The following SCN1A variants were observed in gnomAD, a reference collection of about 807,000 sequenced individuals.
SCN1A encodes sodium voltage-gated channel alpha subunit 1.
Under a neutral mutation model 193.7 loss-of-function variants are expected in SCN1A, and 13 were observed. That is an observed-to-expected ratio of 0.07 (90% confidence interval 0.04 to 0.11). The LOEUF (loss-of-function observed/expected upper bound fraction) is 0.11, where lower values mean the gene tolerates loss of function less well. SCN1A is among the 10% of genes least tolerant of loss of function. The pLI, the probability that SCN1A is intolerant of heterozygous loss-of-function variation, is 1.00. For synonymous variants in SCN1A, 781 were observed against 843.6 expected, an observed-to-expected ratio of 0.93 and a Z score of 1.29; for missense variants, 1,432 against 2,451.1, an observed-to-expected ratio of 0.58 and a Z score of 8.78.
At chr2:166,009,931 A>G in intron 22 of SCN1A, 90 bp from the exon 23 acceptor site, 2 of 1,263,406 alleles carry the variant, frequency 1.6e-6, no homozygotes, top group Non-Finnish European at 2.3e-6. Context: ...ATTTTTGCTT[A>G]TAATTATTCA....
intron 2 of SCN1A, among the ~76,000 whole-genome samples, chr2:166,079,849 C>A (rs1685319085): frequency 6.6e-6 from 1 of 151,042 alleles, no homozygotes; most frequent in African/African-American, 2.4e-5. Flanking sequence ...AGCAATATAA[C>A]CCATATTATA....
chr2:166,017,705 T>C (rs549382313), intron 19 of SCN1A, among the ~76,000 whole-genome samples: 2 of 152,118 alleles, frequency 1.3e-5, no homozygotes, highest in South Asian at 4.1e-4. Flanking sequence ...AGAGTGGAAT[T>C]TGAGAATTTT....
At chr2:166,144,178 G>A (rs1398884449) in intron 1 of SCN1A, among the ~76,000 whole-genome samples, 1 of 152,188 alleles carries the variant, frequency 6.6e-6, no homozygotes, top group African/African-American at 2.4e-5. Context: ...AAATGTAAAG[G>A]AACTACATAG....
chr2:166,015,853 AAG>A (rs1227912942), intron 19 of SCN1A, 126 bp from the exon 20 acceptor site: 40 of 1,048,172 alleles, frequency 3.8e-5, no homozygotes, highest in East Asian at 1.3e-4. Flanking sequence ...TTTAGAGAAA[AAG>A]AGAGATTGAA....
At chr2:166,059,808 C>T (rs1185652918) in intron 4 of SCN1A, among the ~76,000 whole-genome samples, 1 of 152,178 alleles carries the variant, frequency 6.6e-6, no homozygotes, top group Non-Finnish European at 1.5e-5. Flanking sequence ...TTCCCCTATA[C>T]TTGCAGGATT....
intron 19 of SCN1A, among the ~76,000 whole-genome samples, chr2:166,023,390 C>G (rs576795929): frequency 6.6e-6 from 1 of 152,326 alleles, no homozygotes; most frequent in African/African-American, 2.4e-5. Flanking sequence ...GGAAAGAAAC[C>G]CAGACCTGGT....
At chr2:166,015,782 C>A (rs962200469) in intron 19 of SCN1A, 55 bp from the exon 20 acceptor site, 1 of 1,600,608 alleles carries the variant, frequency 6.2e-7, no homozygotes, top group African/African-American at 1.3e-5. Context: ...TAATAAGTTG[C>A]CTGCCAAGAA....
rs1688580122 is a variant in SCN1A, at chr2:165,985,891, C to T, written c.*5354G>A. Reference sequence around the variant, plus strand: ...GCACACATGAAGAATATGCAATTACCAGACATATTTGCTGTCTTTAGTGCG... The same window carrying T: ...GCACACATGAAGAATATGCAATTACTAGACATATTTGCTGTCTTTAGTGCG... On this transcript the variant is annotated 3_prime_UTR_variant, in exon 29 of 29. Transcript: ENST00000674923. 1 of 152,018 alleles carries T rather than the reference C, an allele frequency of 6.6e-6. No individual in the cohort carries two copies. The highest frequency in any genetic ancestry group is 2.4e-5 in the African/African-American group (1 of 41,396). 9.4% of individuals were successfully genotyped at this position (152,018 alleles called of 1,614,324 possible). A position where few individuals can be genotyped will look rare whatever the true frequency, so the allele number is the denominator to read the frequency against.
intron 19 of SCN1A, among the ~76,000 whole-genome samples, chr2:166,022,033 T>G (rs1222600559): frequency 6.6e-6 from 1 of 152,166 alleles, no homozygotes; most frequent in East Asian, 1.9e-4. Context: ...TGGGAACAAT[T>G]TCAGCATTAT....
intron 4 of SCN1A, among the ~76,000 whole-genome samples, chr2:166,062,332 T>C (rs543792038): frequency 6.6e-6 from 1 of 152,284 alleles, no homozygotes; most frequent in South Asian, 2.1e-4. Context: ...AGCACTTTCA[T>C]GTCAGAGTAA....
At chr2:166,130,754 A>G (rs1413141562), upstream of SCN1A, among the ~76,000 whole-genome samples, 7 of 152,176 alleles carry the variant, frequency 4.6e-5, no homozygotes, top group Non-Finnish European at 1.5e-5. Context: ...TTAACTAACA[A>G]CTCATCATTC....
At chr2:166,102,394 G>T (rs996851854) in intron 2 of SCN1A, among the ~76,000 whole-genome samples, 5 of 151,830 alleles carry the variant, frequency 3.3e-5, no homozygotes, top group Admixed American at 6.6e-5. Context: ...TACTCAGGAG[G>T]CTGAGGCAGG....
downstream of SCN1A, chr2:165,985,049 A>G (rs1030979026): frequency 3.3e-5 from 5 of 152,272 alleles, no homozygotes; most frequent in African/African-American, 9.6e-5. Context: ...TAATGAGATA[A>G]TGACACAGTG....
chr2:165,998,802 A>G (rs575195321), intron 25 of SCN1A, among the ~76,000 whole-genome samples: 2 of 151,600 alleles, frequency 1.3e-5, no homozygotes, highest in South Asian at 4.1e-4. Context: ...AAAAGCAACA[A>G]AGTTAAAAAC....
chr2:166,058,962 C>T (rs1054911708), intron 4 of SCN1A, among the ~76,000 whole-genome samples: 1 of 151,902 alleles, frequency 6.6e-6, no homozygotes, highest in Non-Finnish European at 1.5e-5. Context: ...TTTATTTTCT[C>T]GATATTTTAA....
chr2:166,138,929 G>A (rs1287315287), intron 1 of SCN1A, among the ~76,000 whole-genome samples: 2 of 152,150 alleles, frequency 1.3e-5, no homozygotes, highest in East Asian at 1.9e-4. Flanking sequence ...TTGCATCAAC[G>A]TGACTTGGAT....
At chr2:166,054,821 A>G (rs1346402679) in intron 6 of SCN1A, 55 bp from the exon 7 acceptor site, 2 of 1,537,120 alleles carry the variant, frequency 1.3e-6, no homozygotes, top group Non-Finnish European at 9.0e-7. Flanking sequence ...TTCATAGCAT[A>G]CCAATTTCTT....
At chr2:166,129,759 T>C (rs2106284605), upstream of SCN1A, among the ~76,000 whole-genome samples, 1 of 152,302 alleles carries the variant, frequency 6.6e-6, no homozygotes, top group South Asian at 2.1e-4. Context: ...AGAACATACC[T>C]GGCCACATGT....
At chr2:166,138,140 A>G (rs1054265943) in intron 1 of SCN1A, among the ~76,000 whole-genome samples, 2 of 152,162 alleles carry the variant, frequency 1.3e-5, no homozygotes, top group Non-Finnish European at 2.9e-5. Context: ...AAGGCATTCA[A>G]TTTTAAAAGG....
Sources: gnomAD v4.1 joint callset for allele counts (sites outside exome capture counted in the v4.1 genomes callset) on GRCh38, gnomAD v4.1.1 for gene constraint, MANE v1.5 for transcripts, NCBI Gene and HGNC (gene_info 2026-07-23, HGNC 2026-07-21) for gene names.